The following FRYL variants were observed in gnomAD, a reference collection of about 807,000 sequenced individuals.
FRYL encodes the protein FRY like transcription coactivator, also known as protein furry homolog-like.
In FRYL, 150 loss-of-function variants were observed where a neutral mutation model predicts 351.2. The observed-to-expected ratio is 0.43, with a 90% confidence interval of 0.37 to 0.49. The LOEUF (loss-of-function observed/expected upper bound fraction) is 0.49. Among genes scored for constraint, FRYL ranks in the 20% least tolerant of loss-of-function variants. The pLI, the probability that FRYL is intolerant of heterozygous loss-of-function variation, is 0.00. For synonymous variants in FRYL, 1,153 were observed against 1,257.1 expected (o/e 0.92, Z 1.75); for missense variants, 3,036 against 3,619.3 (o/e 0.84, Z 4.13).
At chr4:48,616,644 A>G (rs1263406869) in intron 7 of FRYL, among the ~76,000 whole-genome samples, 1 of 152,234 alleles carries the variant, frequency 6.6e-6, no homozygotes, top group African/African-American at 2.4e-5. Flanking sequence ...GAAGAGTTCC[A>G]AACGTGTGAT....
At chr4:48,521,000 C>T (rs1724786721) in intron 55 of FRYL, 48 bp downstream of exon 55, 2 of 1,461,250 alleles carry the variant, frequency 1.4e-6, no homozygotes, top group Non-Finnish European at 1.8e-6. Context: ...TAAAAGAGTG[C>T]TAAAAAGAGC....
At chr4:48,571,653 C>T (rs1381815174) in intron 26 of FRYL, 2 of 985,300 alleles carry the variant, frequency 2.0e-6, no homozygotes, top group Non-Finnish European at 2.4e-6. Context: ...CTTCCAGGTG[C>T]ATGATAATTT....
At chr4:48,763,664 T>A (rs903306484) in intron 1 of FRYL, among the ~76,000 whole-genome samples, 6 of 152,186 alleles carry the variant, frequency 3.9e-5, no homozygotes, top group African/African-American at 1.2e-4. Flanking sequence ...CCATGTATGA[T>A]AAGCTCACAG....
intron 1 of FRYL, among the ~76,000 whole-genome samples, chr4:48,761,977 G>T (rs1384911963): frequency 2.6e-5 from 4 of 152,132 alleles, no homozygotes; most frequent in African/African-American, 9.7e-5. Context: ...GAAGTAATCA[G>T]GTTATGAGGG....
At chr4:48,534,232 A>C (rs1442371591) in intron 49 of FRYL, among the ~76,000 whole-genome samples, 1 of 152,202 alleles carries the variant, frequency 6.6e-6, no homozygotes, top group African/African-American at 2.4e-5. Flanking sequence ...TCTCAAAACA[A>C]AAACAAAAAC....
At chr4:48,672,105 C>T (rs1376133034) in intron 3 of FRYL, among the ~76,000 whole-genome samples, 1 of 152,088 alleles carries the variant, frequency 6.6e-6, no homozygotes, top group Non-Finnish European at 1.5e-5. Flanking sequence ...TAACAATAGA[C>T]ACCATTTACT....
chr4:48,519,027 G>A (rs1205221168), intron 55 of FRYL, among the ~76,000 whole-genome samples: 1 of 152,204 alleles, frequency 6.6e-6, no homozygotes, highest in Non-Finnish European at 1.5e-5. Context: ...CACATGCCAT[G>A]TGGTTCCATC....
At chr4:48,700,831 C>A (rs1192994332) in intron 2 of FRYL, among the ~76,000 whole-genome samples, 13 of 150,190 alleles carry the variant, frequency 8.7e-5, no homozygotes, top group Admixed American at 8.6e-4. Context: ...AAAAAAAAAA[C>A]TTTCATCACT....
At chr4:48,520,512 A>C (rs1264939435) in intron 55 of FRYL, 1 of 152,192 alleles carries the variant, frequency 6.6e-6, no homozygotes, top group Non-Finnish European at 1.5e-5. Flanking sequence ...TAAAAAAAAC[A>C]CTAATACTTA....
At chr4:48,586,546 A>G (rs942979918) in intron 19 of FRYL, 75 bp downstream of exon 19, 2 of 940,990 alleles carry the variant, frequency 2.1e-6, no homozygotes, top group African/African-American at 3.3e-5. Flanking sequence ...TAGTGATAAC[A>G]GTAACAAAGG....
At chr4:48,677,933 A>T (rs982463326) in intron 3 of FRYL, among the ~76,000 whole-genome samples, 5 of 152,176 alleles carry the variant, frequency 3.3e-5, no homozygotes, top group African/African-American at 1.2e-4. Flanking sequence ...TATTTTAATG[A>T]CTTCTGGCTA....
At chr4:48,647,967 C>CA in intron 3 of FRYL, among the ~76,000 whole-genome samples, 1 of 152,280 alleles carries the variant, frequency 6.6e-6, no homozygotes, top group East Asian at 1.9e-4. Flanking sequence ...ATTAGTTGTG[C>CA]AAACAGCTAG....
intron 1 of FRYL, among the ~76,000 whole-genome samples, chr4:48,715,074 C>G (rs1354991258): frequency 6.6e-6 from 1 of 152,102 alleles, no homozygotes; most frequent in Non-Finnish European, 1.5e-5. Flanking sequence ...ATTCAATAAC[C>G]CTTCATGCTA....
intron 3 of FRYL, among the ~76,000 whole-genome samples, chr4:48,679,954 C>T (rs1764361798): frequency 6.6e-6 from 1 of 151,566 alleles, no homozygotes. Flanking sequence ...CTAAATGTTC[C>T]TCTATAAGGA....
chr4:48,606,322 A>T, intron 10 of FRYL, 116 bp downstream of exon 10: 1 of 624,926 alleles, frequency 1.6e-6, no homozygotes, highest in South Asian at 2.8e-5. Flanking sequence ...AACACATGGA[A>T]TAAGAGACTA....
chr4:48,581,692 T>C (rs1299059534), intron 20 of FRYL, 87 bp from the exon 21 acceptor site: 6 of 1,114,234 alleles, frequency 5.4e-6, no homozygotes, highest in East Asian at 2.6e-5. Context: ...AAGCAAATCA[T>C]AGTGATTATG....
chr4:48,565,281 A>AG (rs1736521566), intron 29 of FRYL, among the ~76,000 whole-genome samples: 2 of 3,672 alleles, frequency 5.4e-4, no homozygotes, highest in South Asian at 0.17. Flanking sequence ...TAATTAAGTA[A>AG]GGGAAAAAAG....
At chr4:48,517,241 G>T (rs1053835640) in intron 55 of FRYL, among the ~76,000 whole-genome samples, 1 of 152,148 alleles carries the variant, frequency 6.6e-6, no homozygotes, top group African/African-American at 2.4e-5. Flanking sequence ...TTATTGGCAT[G>T]AATTTTTCCT....
chr4:48,547,377 T>C (rs1460986960), intron 41 of FRYL: 1 of 369,052 alleles, frequency 2.7e-6, no homozygotes, highest in African/African-American at 2.1e-5. Flanking sequence ...TCGATAAAGA[T>C]CGTTCGAGGT....
Sources: gnomAD v4.1 joint callset for allele counts (sites outside exome capture counted in the v4.1 genomes callset) on GRCh38, gnomAD v4.1.1 for gene constraint, MANE v1.5 for transcripts, NCBI Gene and HGNC (gene_info 2026-07-23, HGNC 2026-07-21) for gene names.